CRABP2: variants seen among roughly 807,000 people sequenced by gnomAD.
CRABP2 encodes the protein cellular retinoic acid binding protein 2.
A neutral mutation model predicts 17.9 loss-of-function variants in CRABP2; 20 were observed. The ratio of observed to expected loss-of-function variants is 1.12; its 90% CI spans 0.79 to 1.63. CRABP2 has a LOEUF of 1.63. Among genes scored for constraint, CRABP2 ranks in the 40% most tolerant of loss-of-function variants. The pLI, the probability that CRABP2 is intolerant of heterozygous loss-of-function variation, is 0.00. For synonymous variants in CRABP2, 76 were observed against 66.4 expected (o/e 1.14, Z -0.70); for missense variants, 151 against 168.6 (o/e 0.90, Z 0.58).
intron 1 of CRABP2, among the ~76,000 whole-genome samples, chr1:156,703,995 C>A (rs929739766): frequency 2.0e-5 from 3 of 152,092 alleles, no homozygotes; most frequent in Non-Finnish European, 2.9e-5. Context: ...GCAGGGAGGA[C>A]AAACAGACTG....
Position 156,705,300 on chromosome 1 carries a change from G to C in CRABP2, c.70+77C>G. 6.7e-7 allele frequency: 1 copy of C among 1,487,840 alleles called. No individual in the cohort carries two copies. Among genetic ancestry groups the C allele is most frequent in the Non-Finnish European group, 9.4e-7 (1 of 1,065,932 alleles). The allele number at this position is 1,487,840 out of a possible 1,614,324, so 92.2% of individuals were successfully genotyped here. A position where few individuals can be genotyped will look rare whatever the true frequency, so the allele number is the denominator to read the frequency against. ...TGTCTCACGCCCTGATTGTGGTCCC[G>C]CTGTCTTTCTCATCCCCAACTTCGA... On this transcript the variant is annotated intron_variant, in intron 1 of 3. Transcript: ENST00000368222. This position sits in a 1 kb window ranked among gnomAD's most constrained non-coding sequence, Gnocchi z 5.2.
chr1:156,700,449 G>A (rs1647994760), intron 3 of CRABP2, 93 bp downstream of exon 3: 9 of 996,506 alleles, frequency 9.0e-6, no homozygotes, highest in Middle Eastern at 2.1e-4. Context: ...TCCAGCCATG[G>A]TTGTTCTTGA....
intron 1 of CRABP2, among the ~76,000 whole-genome samples, chr1:156,704,900 G>A (rs1219471548): frequency 6.6e-6 from 1 of 152,008 alleles, no homozygotes; most frequent in African/African-American, 2.4e-5. Flanking sequence ...GGGCGCCGAG[G>A]GGTAATGAGC....
Position 156,705,360 on chromosome 1 carries a change from C to G in CRABP2, c.70+17G>C. ...AGCCCCCCCTTGCCCCACCTGGGCC[C>G]TCGAACATTTCCTTACCCAGCACTT... On this transcript the variant is annotated intron_variant, in intron 1 of 3. Coordinates refer to ENST00000368222, the MANE Select transcript of CRABP2 (RefSeq NM_001878.4). This position sits in a 1 kb window ranked among gnomAD's most constrained non-coding sequence, Gnocchi z 5.2. 6.2e-7 allele frequency: 1 copy of G among 1,613,868 alleles called. No individual in the cohort carries two copies. Among genetic ancestry groups the G allele is most frequent in the Non-Finnish European group, 8.5e-7 (1 of 1,179,814 alleles).
intron 1 of CRABP2, among the ~76,000 whole-genome samples, chr1:156,701,355 A>T (rs1402044822): frequency 6.6e-6 from 1 of 152,044 alleles, no homozygotes; most frequent in African/African-American, 2.4e-5. Flanking sequence ...CAGGCTCCCC[A>T]CGTCTCAGCT....
At chr1:156,701,757 C>CT (rs1336514989) in intron 1 of CRABP2, among the ~76,000 whole-genome samples, 3 of 152,320 alleles carry the variant, frequency 2.0e-5, no homozygotes, top group South Asian at 2.1e-4. Flanking sequence ...GCTCAGCCCC[C>CT]TTACAGGCTG....
At chr1:156,705,745 TG>T, upstream of CRABP2, 1 of 375,536 alleles carries the variant, frequency 2.7e-6, no homozygotes. This position sits in a 1 kb window ranked among gnomAD's most constrained non-coding sequence, Gnocchi z 5.2. Context: ...CAGGCTTCTC[TG>T]GGGACCGAGA....
At chr1:156,704,444 C>T (rs1043021764) in intron 1 of CRABP2, among the ~76,000 whole-genome samples, 5 of 152,166 alleles carry the variant, frequency 3.3e-5, no homozygotes, top group African/African-American at 1.2e-4. Flanking sequence ...GGCTGGGGTC[C>T]TTAACTAACG....
At chr1:156,700,390 T>G in intron 3 of CRABP2, 152 bp downstream of exon 3, 1 of 704,958 alleles carries the variant, frequency 1.4e-6, no homozygotes, top group East Asian at 2.5e-5. Context: ...CTGTATGGGA[T>G]AGGGACACCT....
In CRABP2 at chr1:156,705,327, G is replaced by A; in HGVS notation, c.70+50C>T. 1.9e-6 allele frequency: 3 copies of A among 1,587,788 alleles called. No individual in the cohort carries two copies. Among genetic ancestry groups the A allele is most frequent in the South Asian group, 2.2e-5 (2 of 90,548 alleles). ...TGTCTTTCTCATCCCCAACTTCGAG[G>A]ACTCCAGAGCCCCCCCTTGCCCCAC... On this transcript the variant is annotated intron_variant, in intron 1 of 3. Transcript: ENST00000368222. The surrounding 1 kb of genome is among the most constrained non-coding windows in gnomAD (Gnocchi z 5.2).
chr1:156,700,750 C>A lies in CRABP2; in HGVS notation c.250-92G>T. The A allele has an allele frequency of 1.3e-5, 19 of 1,510,366 alleles. 1 individual carries two copies. Among genetic ancestry groups the A allele is most frequent in the Non-Finnish European group, 1.6e-5 (18 of 1,092,490 alleles). 93.6% of individuals were successfully genotyped at this position (1,510,366 alleles called of 1,614,324 possible). ...GAGAGAGCCCCTTTCTAGCCCCCAC[C>A]ACCACCTAGGGATTTTCCCTACTGG... On this transcript the variant is annotated intron_variant, in intron 2 of 3. Coordinates refer to ENST00000368222, the MANE Select transcript of CRABP2 (RefSeq NM_001878.4).
At chr1:156,700,503 C>A in intron 3 of CRABP2, 39 bp downstream of exon 3, 1 of 1,507,510 alleles carries the variant, frequency 6.6e-7, no homozygotes, top group Non-Finnish European at 9.2e-7. Context: ...TGGAAGGTAG[C>A]ACTGGGTTTG....
Position 156,700,985 on chromosome 1 carries a change from C to T in CRABP2, c.138G>A (p.Gln46=). The T allele has an allele frequency of 6.2e-7, 1 of 1,614,188 alleles. No homozygotes were observed. Among genetic ancestry groups the T allele is most frequent in the Non-Finnish European group, 8.5e-7 (1 of 1,180,034 alleles). Residue 46 remains glutamine (Q), a synonymous_variant, in exon 2 of 4, where the codon CAG becomes CAA. Coordinates refer to ENST00000368222, the MANE Select transcript of CRABP2 (RefSeq NM_001878.4). ...TTTTGATGTAGAAAGTGTCTCCCTCCTGTTTGATCTCCACTGCTGGCTTGG... is the reference window on the plus strand; with the variant it reads ...TTTTGATGTAGAAAGTGTCTCCCTCTTGTTTGATCTCCACTGCTGGCTTGG... The part of the protein sequence containing the change: ...AASKPAVEIK[Q]EGDTFYIKTS...
intron 1 of CRABP2, among the ~76,000 whole-genome samples, chr1:156,703,469 C>T (rs1331116962): frequency 6.6e-6 from 1 of 152,208 alleles, no homozygotes; most frequent in Non-Finnish European, 1.5e-5. Flanking sequence ...TGATCTGCCG[C>T]CCTGTCCTGG....
chr1:156,702,372 A>G (rs1254276540), intron 1 of CRABP2, among the ~76,000 whole-genome samples: 1 of 147,608 alleles, frequency 6.8e-6, no homozygotes, highest in Non-Finnish European at 1.5e-5. Context: ...TAGGAGAATC[A>G]CTTGAATCCG....
chr1:156,703,496 C>T (rs1648101373), intron 1 of CRABP2, among the ~76,000 whole-genome samples: 1 of 152,192 alleles, frequency 6.6e-6, no homozygotes, highest in Admixed American at 6.5e-5. Flanking sequence ...GCCAGGGATG[C>T]ACTAGGCGGG....
At chr1:156,703,975 G>A (rs551834741) in intron 1 of CRABP2, among the ~76,000 whole-genome samples, 48 of 152,260 alleles carry the variant, frequency 3.2e-4, no homozygotes, top group African/African-American at 1.1e-3. Flanking sequence ...ACGTGGCTCA[G>A]AGAGACCCTG....
At chr1:156,701,399 C>A (rs1375725371) in intron 1 of CRABP2, among the ~76,000 whole-genome samples, 3 of 152,132 alleles carry the variant, frequency 2.0e-5, no homozygotes, top group Admixed American at 6.5e-5. Context: ...GCAGCTTCTC[C>A]CCAGCCCCCT....
intron 1 of CRABP2, among the ~76,000 whole-genome samples, chr1:156,702,266 C>T (rs1292589352): frequency 6.7e-6 from 1 of 150,034 alleles, no homozygotes; most frequent in Non-Finnish European, 1.5e-5. Flanking sequence ...GCCTGACCAG[C>T]ATAGTGAAAC....
Sources: allele counts gnomAD v4.1 joint callset (sites outside exome capture counted in the v4.1 genomes callset), GRCh38; gene constraint gnomAD v4.1.1; non-coding constraint Gnocchi (gnomAD v3.1); transcripts MANE v1.5; gene names NCBI Gene and HGNC (gene_info 2026-07-23, HGNC 2026-07-21).